Variants in BLTP3A observed in about 807,000 individuals in gnomAD.
BLTP3A encodes bridge-like lipid transfer protein family member 3A.
At chr6:34,864,520 GTC>G in the BLTP3A span, among the ~76,000 whole-genome samples, 3 of 100,250 alleles carry the variant, frequency 3.0e-5, no homozygotes, top group East Asian at 6.9e-4. Flanking sequence ...TGTGCTTATA[GTC>G]TTTTTTTTTT....
chr6:34,793,585 C>T, the BLTP3A span, among the ~76,000 whole-genome samples: 44 of 152,164 alleles, frequency 2.9e-4, no homozygotes, highest in Admixed American at 2.9e-3. Context: ...TTAATCACCA[C>T]GTAGTAAAAG....
the BLTP3A span, chr6:34,821,301 A>G: frequency 5.6e-6 from 1 of 179,814 alleles, no homozygotes; most frequent in Admixed American, 5.6e-5. Context: ...CCGAAAGACT[A>G]CATTGCCATT....
At chr6:34,833,050 C>T in the BLTP3A span, among the ~76,000 whole-genome samples, 119 of 152,306 alleles carry the variant, frequency 7.8e-4, no homozygotes, top group South Asian at 4.1e-3. Context: ...TTTCTGTCCT[C>T]TCACTGTAGA....
the BLTP3A span, among the ~76,000 whole-genome samples, chr6:34,798,990 G>A: frequency 6.6e-6 from 1 of 152,080 alleles, no homozygotes; most frequent in Non-Finnish European, 1.5e-5. Context: ...TGCCCAGGCT[G>A]GAGTGCAGTG....
the BLTP3A span, among the ~76,000 whole-genome samples, chr6:34,808,110 G>A: frequency 3.3e-5 from 5 of 151,768 alleles, no homozygotes; most frequent in African/African-American, 1.2e-4. Flanking sequence ...TTGGGAGGCC[G>A]AGGCGGGTGG....
At chr6:34,858,838 G>T in the BLTP3A span, 12 of 1,614,040 alleles carry the variant, frequency 7.4e-6, no homozygotes, top group Admixed American at 3.3e-5. Context: ...CCATGTCCGC[G>T]TGAGGCTTGA....
chr6:34,799,111 T>G, the BLTP3A span, among the ~76,000 whole-genome samples: 1 of 151,932 alleles, frequency 6.6e-6, no homozygotes, highest in East Asian at 1.9e-4. Context: ...CTGGCTAATT[T>G]TTGTATTTTT....
the BLTP3A span, chr6:34,872,348 A>G: frequency 6.2e-7 from 1 of 1,611,978 alleles, no homozygotes; most frequent in Non-Finnish European, 8.5e-7. Flanking sequence ...AAGAACTTAT[A>G]GAAACTAAAC....
chr6:34,827,047 T>C, the BLTP3A span, among the ~76,000 whole-genome samples: 4 of 152,304 alleles, frequency 2.6e-5, no homozygotes, highest in African/African-American at 9.6e-5. Flanking sequence ...GCTCAGTGGC[T>C]CACACCTGTA....
the BLTP3A span, chr6:34,872,223 C>A: frequency 6.9e-7 from 1 of 1,454,498 alleles, no homozygotes; most frequent in South Asian, 1.4e-5. Flanking sequence ...GGATTTTTCT[C>A]CTTGAACTCT....
At chr6:34,830,285 A>T in the BLTP3A span, among the ~76,000 whole-genome samples, 4 of 151,440 alleles carry the variant, frequency 2.6e-5, no homozygotes, top group Non-Finnish European at 5.9e-5. Flanking sequence ...GACTCCATGT[A>T]TTTGCCAAAA....
the BLTP3A span, chr6:34,855,768 A>G: frequency 6.2e-7 from 1 of 1,606,024 alleles, no homozygotes; most frequent in South Asian, 1.1e-5. Flanking sequence ...AGATTCCTGG[A>G]TTCATCCCTG....
At chr6:34,811,676 C>G in the BLTP3A span, among the ~76,000 whole-genome samples, 3 of 104,272 alleles carry the variant, frequency 2.9e-5, no homozygotes, top group Non-Finnish European at 5.6e-5. Context: ...ATGGTGAGAC[C>G]CCCCCCCCCG....
chr6:34,868,645 AC>A, the BLTP3A span, among the ~76,000 whole-genome samples: 1 of 151,214 alleles, frequency 6.6e-6, no homozygotes, highest in African/African-American at 2.4e-5. Context: ...AATTGCTTGA[AC>A]CGGGGAGGCG....
the BLTP3A span, chr6:34,871,158 G>C: frequency 6.3e-7 from 1 of 1,581,166 alleles, no homozygotes; most frequent in Non-Finnish European, 8.6e-7. Flanking sequence ...AGGGCACATT[G>C]GTTTTTGCCC....
At chr6:34,874,663 A>C in the BLTP3A span, 1 of 152,268 alleles carries the variant, frequency 6.6e-6, no homozygotes, top group African/African-American at 2.4e-5. Context: ...ATATGCCTGA[A>C]CACTGTTAGA....
At chr6:34,817,616 A>T in the BLTP3A span, among the ~76,000 whole-genome samples, 1 of 152,254 alleles carries the variant, frequency 6.6e-6, no homozygotes, top group Admixed American at 6.5e-5. Flanking sequence ...GTCCTGTGGG[A>T]GTGACATGAA....
chr6:34,870,211 A>C, the BLTP3A span, among the ~76,000 whole-genome samples: 1 of 152,170 alleles, frequency 6.6e-6, no homozygotes, highest in Non-Finnish European at 1.5e-5. Flanking sequence ...ACATCCTTGT[A>C]CATGTCTCTT....
chr6:34,869,353 G>T, the BLTP3A span, among the ~76,000 whole-genome samples: 3 of 151,986 alleles, frequency 2.0e-5, no homozygotes, highest in Non-Finnish European at 4.4e-5. Flanking sequence ...TAAGTCTCTG[G>T]GAGTCCCTCT....
Sources: gnomAD v4.1 joint callset for allele counts (sites outside exome capture counted in the v4.1 genomes callset) on GRCh38, gnomAD v4.1.1 for gene constraint, MANE v1.5 for transcripts, NCBI Gene and HGNC (gene_info 2026-07-23, HGNC 2026-07-21) for gene names.